The following BAZ2B variants were observed in gnomAD, a reference collection of about 807,000 sequenced individuals.
BAZ2B encodes the protein bromodomain adjacent to zinc finger domain protein 2B.
Under a neutral mutation model 246.0 loss-of-function variants are expected in BAZ2B, and 91 were observed. That is an observed-to-expected ratio of 0.37 (90% CI 0.31 to 0.44). The LOEUF is 0.44. Ranked by LOEUF, BAZ2B falls within the 20% of genes least tolerant of loss-of-function variation. BAZ2B has a pLI of 1.00. For synonymous variants in BAZ2B, 855 were observed against 860.0 expected (o/e 0.99, Z 0.10); for missense variants, 2,332 against 2,533.7 (o/e 0.92, Z 1.71).
intron 3 of BAZ2B, among the ~76,000 whole-genome samples, chr2:159,470,656 A>T (rs1456006186): frequency 6.6e-6 from 1 of 152,212 alleles, no homozygotes; most frequent in Non-Finnish European, 1.5e-5. Context: ...GTACAGACTC[A>T]AGCTTTATTT....
intron 2 of BAZ2B, among the ~76,000 whole-genome samples, chr2:159,544,156 T>G (rs534935558): frequency 2.7e-4 from 41 of 150,098 alleles, no homozygotes; most frequent in Admixed American, 1.1e-3. Context: ...TCATATTTAG[T>G]TTTTTTTTTC....
chr2:159,417,664 A>T (rs996586541), intron 13 of BAZ2B, among the ~76,000 whole-genome samples: 1 of 152,210 alleles, frequency 6.6e-6, no homozygotes, highest in African/African-American at 2.4e-5. Context: ...GTACACTGTA[A>T]ATCTGTAATA....
chr2:159,325,850 T>C lies in BAZ2B; in HGVS notation c.6012A>G (p.Lys2004=), dbSNP rs1274278179. 2.5e-6 allele frequency: 4 copies of C among 1,606,802 alleles called. No homozygotes were observed. The highest frequency in any genetic ancestry group is 1.7e-5 in the Admixed American group (1 of 58,546). The change falls in exon 35 of 37, where the codon AAA becomes AAG. Residue 2004 remains lysine, a synonymous_variant. Transcript: ENST00000392783. ...VKGKKTNESK[K]GKKVTLTGDT... The stretch of plus-strand genomic sequence containing the variant: ...CTCCTGTTAAAGTTACCTTCTTGCC[T>C]TTCTTTGACTCATTAGTCTTTTTTC...
chr2:159,432,423 A>AT, intron 9 of BAZ2B, among the ~76,000 whole-genome samples: 1 of 152,340 alleles, frequency 6.6e-6, no homozygotes, highest in East Asian at 1.9e-4. Flanking sequence ...CTGGTGATGC[A>AT]TTTTAACAAG....
chr2:159,376,257 TAAG>T (rs1396682175), intron 25 of BAZ2B, among the ~76,000 whole-genome samples: 1 of 152,196 alleles, frequency 6.6e-6, no homozygotes, highest in East Asian at 1.9e-4. Flanking sequence ...CCTACTTTAA[TAAG>T]AAGATGCAGG....
the BAZ2B span, among the ~76,000 whole-genome samples, chr2:159,710,216 T>G: frequency 6.6e-6 from 1 of 151,700 alleles, no homozygotes; most frequent in African/African-American, 2.4e-5. Context: ...AAATGTCTTT[T>G]TTTTTTTTTT....
intron 31 of BAZ2B, among the ~76,000 whole-genome samples, chr2:159,341,503 A>C (rs2066710656): frequency 6.6e-6 from 1 of 152,176 alleles, no homozygotes; most frequent in Non-Finnish European, 1.5e-5. Context: ...AAGTAACATC[A>C]AATTTAATCT....
chr2:159,578,210 G>GT (rs2151613305), intron 1 of BAZ2B, among the ~76,000 whole-genome samples: 1 of 152,086 alleles, frequency 6.6e-6, no homozygotes, highest in African/African-American at 2.4e-5. Flanking sequence ...ACAGACTGTG[G>GT]TTTCAATTTT....
intron 34 of BAZ2B, among the ~76,000 whole-genome samples, chr2:159,326,751 T>G (rs61281665): frequency 0.015 from 2,343 of 152,232 alleles, 49 homozygotes; most frequent in African/African-American, 0.051. Flanking sequence ...CTCAACATGG[T>G]CTTATGCAAT....
chr2:159,564,287 A>C (rs2090154071), intron 1 of BAZ2B, among the ~76,000 whole-genome samples: 1 of 152,320 alleles, frequency 6.6e-6, no homozygotes, highest in African/African-American at 2.4e-5. Flanking sequence ...AGGGGGTAGG[A>C]GAGCAAGGCA....
intron 2 of BAZ2B, among the ~76,000 whole-genome samples, chr2:159,520,967 T>C (rs917618077): frequency 6.6e-6 from 1 of 152,146 alleles, no homozygotes; most frequent in African/African-American, 2.4e-5. Flanking sequence ...GCCATTAAAA[T>C]TTATTTCTGA....
At chr2:159,625,132 A>G in the BAZ2B span, among the ~76,000 whole-genome samples, 1 of 152,108 alleles carries the variant, frequency 6.6e-6, no homozygotes, top group African/African-American at 2.4e-5. Context: ...ATTAGAGAAA[A>G]AAGAACGAAA....
intron 1 of BAZ2B, among the ~76,000 whole-genome samples, chr2:159,558,128 C>T (rs1329072587): frequency 6.6e-6 from 1 of 152,156 alleles, no homozygotes; most frequent in Non-Finnish European, 1.5e-5. Context: ...AAGATTCTCA[C>T]TCACATAATG....
chr2:159,411,822 T>C (rs2066885770), intron 14 of BAZ2B: 1 of 444,546 alleles, frequency 2.2e-6, no homozygotes, highest in Non-Finnish European at 3.0e-6. Flanking sequence ...TTTTTGATTT[T>C]AATGTATTAA....
chr2:159,485,943 T>C (rs1446950686), intron 2 of BAZ2B, among the ~76,000 whole-genome samples: 2 of 152,088 alleles, frequency 1.3e-5, no homozygotes, highest in South Asian at 2.1e-4. Context: ...GGTTTTCATA[T>C]TGCTCAGCGA....
At chr2:159,671,874 T>C in the BAZ2B span, among the ~76,000 whole-genome samples, 1 of 152,152 alleles carries the variant, frequency 6.6e-6, no homozygotes, top group Non-Finnish European at 1.5e-5. Flanking sequence ...CTGTATGTAA[T>C]ATTGTTCCAC....
intron 12 of BAZ2B, 26 bp from the exon 13 acceptor site, chr2:159,428,068 T>C: frequency 1.3e-6 from 2 of 1,598,250 alleles, no homozygotes; most frequent in Non-Finnish European, 8.6e-7. Flanking sequence ...ATTTTTCCAC[T>C]TCAGGTTTTA....
chr2:159,708,699 C>T, the BAZ2B span, among the ~76,000 whole-genome samples: 1 of 152,070 alleles, frequency 6.6e-6, no homozygotes, highest in African/African-American at 2.4e-5. Context: ...CTCAGCCTCC[C>T]AAGTAGCTGG....
chr2:159,489,406 G>C (rs990158741), intron 2 of BAZ2B, among the ~76,000 whole-genome samples: 13 of 152,126 alleles, frequency 8.5e-5, no homozygotes, highest in Admixed American at 3.9e-4. Context: ...AGTTAAAACT[G>C]ACCCAGGGAC....
Sources: allele counts gnomAD v4.1 joint callset (sites outside exome capture counted in the v4.1 genomes callset), GRCh38; gene constraint gnomAD v4.1.1; transcripts MANE v1.5; gene names NCBI Gene and HGNC (gene_info 2026-07-23, HGNC 2026-07-21).